The following ATP11B variants were observed in gnomAD, a reference collection of about 807,000 sequenced individuals.
The protein encoded by ATP11B is phospholipid-transporting ATPase IF.
ATP11B carries 81 observed loss-of-function variants against 157.8 expected under a neutral mutation model. The ratio of observed to expected loss-of-function variants is 0.51; its 90% CI spans 0.43 to 0.62. ATP11B has a LOEUF of 0.62. Among genes scored for constraint, ATP11B ranks in the 20% least tolerant of loss-of-function variants. The pLI is 0.00. For missense variants in ATP11B, 1,165 were observed against 1,402.2 expected (o/e 0.83, Z 2.70); for synonymous variants, 451 against 469.4 (o/e 0.96, Z 0.51).
chr3:182,820,662 A>G (rs1717279472), intron 2 of ATP11B, among the ~76,000 whole-genome samples: 1 of 151,956 alleles, frequency 6.6e-6, no homozygotes, highest in East Asian at 1.9e-4. Context: ...GAGTGAGACC[A>G]TGTCTCAAAA....
At chr3:182,793,908 C>T (rs987803062) in intron 1 of ATP11B, 122 bp downstream of exon 1, 6 of 542,080 alleles carry the variant, frequency 1.1e-5, no homozygotes, top group African/African-American at 2.0e-5. Flanking sequence ...CCGGCTAGGC[C>T]GCAGCGGAGA....
At chr3:182,915,171 T>C in intron 29 of ATP11B, 5 of 985,436 alleles carry the variant, frequency 5.1e-6, no homozygotes, top group Non-Finnish European at 6.0e-6. Flanking sequence ...ACTGGTGAAC[T>C]TGTTAGTTCT....
At position 182,793,650 on chromosome 3, in the gene ATP11B, C is replaced by T. The variant is rs1181332142; in HGVS notation, c.-110C>T. On this transcript the variant is annotated 5_prime_UTR_variant, in exon 1 of 30. Coordinates refer to ENST00000323116, the MANE Select transcript of ATP11B (RefSeq NM_014616.3). ...AGGCAGTGGCGGCGGCGGCGGTAAG[C>T]GGAACTTCGGCCCGAGGGGCTCGCC... 1.1e-5 allele frequency: 7 copies of T among 611,456 alleles called. No individual in the cohort carries two copies. The highest frequency in any genetic ancestry group is 1.7e-5 in the Non-Finnish European group (7 of 406,564). The allele number at this position is 611,456 out of a possible 1,614,324, so 37.9% of individuals were successfully genotyped here. A position where few individuals can be genotyped will look rare whatever the true frequency, so the allele number is the denominator to read the frequency against.
Position 182,913,882 on chromosome 3 carries a change from A to G in ATP11B, c.3340A>G (p.Ile1114Val), listed in dbSNP as rs757011908. ...KAQLTETNAGIKCLDSMCCFP... is the reference protein window; with the variant it reads ...KAQLTETNAGVKCLDSMCCFP... ...GCAGCTTACTGAAACAAATGCAGGT[A>G]TCAAGTGCTTGGACTCCATGTGCTG... The change falls in exon 29 of 30, where the codon ATC (isoleucine) becomes GTC (valine). Residue 1114 changes from isoleucine to valine, a missense_variant. Around this residue, in one of 4 missense-constraint regions of ATP11B, gnomAD observed 303 missense variants for 296.3 expected, o/e 1.02. Transcript: ENST00000323116. The G allele has an allele frequency of 5.5e-5, 88 of 1,614,036 alleles. No homozygotes were observed. The highest frequency in any genetic ancestry group is 7.4e-5 in the Non-Finnish European group (87 of 1,179,974).
intron 28 of ATP11B, among the ~76,000 whole-genome samples, chr3:182,907,865 A>G (rs1455191533): frequency 6.6e-6 from 1 of 152,236 alleles, no homozygotes; most frequent in Non-Finnish European, 1.5e-5. Flanking sequence ...CATTAAATGT[A>G]CAGTACAGCT....
In ATP11B at chr3:182,884,904, T is replaced by A; in HGVS notation, c.2655+6T>A. 7.4e-7 allele frequency: 1 copy of A among 1,347,366 alleles called. No homozygotes were observed. Among genetic ancestry groups the A allele is most frequent in the South Asian group, 1.4e-5 (1 of 70,282 alleles). 83.5% of individuals were successfully genotyped at this position (1,347,366 alleles called of 1,614,324 possible). On this transcript the variant is annotated splice_donor_region_variant and intron_variant, in intron 22 of 29. Coordinates refer to ENST00000323116, the MANE Select transcript of ATP11B (RefSeq NM_014616.3). ...TACAGTATTTTTTTTATAAGGTGAG[T>A]TTCATGTATTTAGAATCAATTATTG... is the stretch of plus-strand genomic sequence containing the variant.
chr3:182,824,045 T>C (rs1050775565), intron 2 of ATP11B, among the ~76,000 whole-genome samples: 2 of 152,146 alleles, frequency 1.3e-5, no homozygotes, highest in Non-Finnish European at 2.9e-5. Flanking sequence ...TCTGTAACTA[T>C]AGTTTTTTCT....
chr3:182,903,295 C>G (rs1048469424), intron 28 of ATP11B, among the ~76,000 whole-genome samples: 5 of 151,928 alleles, frequency 3.3e-5, no homozygotes, highest in Non-Finnish European at 1.5e-5. Flanking sequence ...ATTTCTTGCC[C>G]TATTGGTTTC....
At chr3:182,851,639 A>G (rs756916200) in intron 10 of ATP11B, among the ~76,000 whole-genome samples, 2 of 152,248 alleles carry the variant, frequency 1.3e-5, no homozygotes, top group African/African-American at 2.4e-5. Flanking sequence ...TAGAGCTTCC[A>G]TTAAAAACAA....
intron 3 of ATP11B, among the ~76,000 whole-genome samples, chr3:182,829,468 G>T (rs2049283): frequency 0.63 from 96,291 of 151,996 alleles, 32,429 homozygotes; most frequent in Non-Finnish European, 0.76. Flanking sequence ...TGTTTAAACA[G>T]AGTTGCTGAG....
intron 23 of ATP11B, 116 bp downstream of exon 23, chr3:182,886,126 AC>A: frequency 1.8e-6 from 1 of 544,324 alleles, no homozygotes; most frequent in Non-Finnish European, 3.1e-6. Flanking sequence ...CCTGCAGGGA[AC>A]CAGACAGAAC....
intron 2 of ATP11B, among the ~76,000 whole-genome samples, chr3:182,822,278 C>T (rs1560064885): frequency 1.3e-5 from 2 of 152,058 alleles, no homozygotes; most frequent in African/African-American, 4.8e-5. Context: ...TGCCCCTACC[C>T]CACGAGAGGC....
intron 1 of ATP11B, among the ~76,000 whole-genome samples, chr3:182,808,907 AT>A (rs1303603512): frequency 6.6e-6 from 1 of 152,066 alleles, no homozygotes. Context: ...CTTTATTTGA[AT>A]TTTATTAGTT....
intron 19 of ATP11B, 124 bp from the exon 20 acceptor site, chr3:182,879,359 CCTGACATAACAGT>C: frequency 1.5e-6 from 1 of 677,188 alleles, no homozygotes; most frequent in Non-Finnish European, 2.3e-6. Flanking sequence ...CAGTTTGTTT[CCTGACATAACAGT>C]CTTGTAACAG....
intron 19 of ATP11B, among the ~76,000 whole-genome samples, chr3:182,875,465 C>G (rs1032248048): frequency 6.6e-6 from 1 of 152,060 alleles, no homozygotes; most frequent in Non-Finnish European, 1.5e-5. Flanking sequence ...TTTTTTGAGA[C>G]AGAGTTTCAC....
intron 1 of ATP11B, among the ~76,000 whole-genome samples, chr3:182,801,498 A>C (rs1335556990): frequency 1.3e-5 from 2 of 152,210 alleles, no homozygotes; most frequent in African/African-American, 4.8e-5. Context: ...AAAAGTAGAG[A>C]TAATGGTATA....
intron 22 of ATP11B, 135 bp downstream of exon 22, chr3:182,885,033 A>G: frequency 3.4e-6 from 2 of 580,672 alleles, no homozygotes; most frequent in East Asian, 3.5e-5. Flanking sequence ...TCATAAATCT[A>G]TTCTATACTG....
intron 28 of ATP11B, among the ~76,000 whole-genome samples, chr3:182,903,057 T>C (rs1724076647): frequency 1.3e-5 from 2 of 152,256 alleles, no homozygotes; most frequent in South Asian, 4.1e-4. Context: ...AGTGCATCTA[T>C]AAATCGAACA....
At chr3:182,874,585 A>G (rs1316171833) in intron 19 of ATP11B, among the ~76,000 whole-genome samples, 2 of 152,220 alleles carry the variant, frequency 1.3e-5, no homozygotes, top group Non-Finnish European at 2.9e-5. Context: ...ATGCATTGAT[A>G]TGTTAGCTGT....
Sources: allele counts gnomAD v4.1 joint callset (sites outside exome capture counted in the v4.1 genomes callset), GRCh38; gene constraint gnomAD v4.1.1; regional missense constraint gnomAD v4.1.1; transcripts MANE v1.5; gene names NCBI Gene and HGNC (gene_info 2026-07-23, HGNC 2026-07-21).